ASB11: variants seen among roughly 807,000 people sequenced by gnomAD.
The protein encoded by ASB11 is ankyrin repeat and SOCS box protein 11.
Under a neutral mutation model 20.1 loss-of-function variants are expected in ASB11, and 17 were observed. The observed-to-expected ratio is 0.85, with a 90% CI of 0.58 to 1.27. The LOEUF (loss-of-function observed/expected upper bound fraction) is 1.27. Among genes scored for constraint, ASB11 ranks in the 50% most tolerant of loss-of-function variants. ASB11 has a pLI of 0.00. For missense variants in ASB11, 259 were observed against 256.9 expected, an observed-to-expected ratio of 1.01 and a Z score of -0.06; for synonymous variants, 107 against 105.6, an observed-to-expected ratio of 1.01 and a Z score of -0.08.
At chrX:15,284,478 C>T (rs1224908721) in intron 6 of ASB11, among the ~76,000 whole-genome samples, 3 of 110,682 alleles carry the variant, frequency 2.7e-5, no homozygotes, top group African/African-American at 9.9e-5. Flanking sequence ...CTGGACCTAC[C>T]GGCTCTAGCT....
chrX:15,313,613 C>T (rs1209663003), intron 1 of ASB11, among the ~76,000 whole-genome samples: 1 of 111,444 alleles, frequency 9.0e-6, no homozygotes, highest in Non-Finnish European at 1.9e-5. Context: ...GCAAATTAAC[C>T]TATTTTAAGA....
chrX:15,309,096 TA>T (rs1427904398), intron 1 of ASB11, among the ~76,000 whole-genome samples: 4 of 110,999 alleles, frequency 3.6e-5, no homozygotes, highest in African/African-American at 1.3e-4. Flanking sequence ...TTAGTATTTT[TA>T]GTAGAGACGG....
At chrX:15,305,279 C>T (rs1217697255) in intron 1 of ASB11, among the ~76,000 whole-genome samples, 3 of 111,716 alleles carry the variant, frequency 2.7e-5, no homozygotes, top group Non-Finnish European at 1.9e-5. Flanking sequence ...AACACACCAC[C>T]GCTTCTGTGA....
At chrX:15,285,013 A>T (rs1033949093) in intron 6 of ASB11, among the ~76,000 whole-genome samples, 6 of 111,919 alleles carry the variant, frequency 5.4e-5, no homozygotes, top group African/African-American at 1.9e-4. Flanking sequence ...GGGAAGCAAG[A>T]ATAGAAAACT....
intron 3 of ASB11, among the ~76,000 whole-genome samples, chrX:15,294,307 A>T (rs1920951848): frequency 8.9e-6 from 1 of 112,314 alleles, no homozygotes; most frequent in African/African-American, 3.2e-5. Flanking sequence ...CTAAGGATGC[A>T]TGCTTGTGAT....
intron 6 of ASB11, among the ~76,000 whole-genome samples, chrX:15,283,991 G>T (rs369845737): frequency 9.0e-6 from 1 of 110,889 alleles, no homozygotes; most frequent in African/African-American, 3.3e-5. Context: ...GGTGGCTCAC[G>T]CCTGTAATCC....
chrX:15,283,669 G>T, intron 6 of ASB11, 40 bp from the exon 7 acceptor site: 1 of 1,196,758 alleles, frequency 8.4e-7, no homozygotes. Context: ...TCATAGTGGT[G>T]GGAGGTGGGG....
chrX:15,299,795 G>A (rs1195476690), intron 2 of ASB11, among the ~76,000 whole-genome samples: 1 of 111,140 alleles, frequency 9.0e-6, no homozygotes, highest in Non-Finnish European at 1.9e-5. Flanking sequence ...TCCCAGCCGA[G>A]TCCTGCTTTT....
chrX:15,286,354 G>A (rs780530253), intron 6 of ASB11, among the ~76,000 whole-genome samples: 1 of 110,318 alleles, frequency 9.1e-6, no homozygotes, highest in Admixed American at 9.7e-5. Context: ...CAGGGTTGGG[G>A]CCTTATGACA....
chrX:15,309,916 C>T (rs1008451339), intron 1 of ASB11, among the ~76,000 whole-genome samples: 11 of 93,321 alleles, frequency 1.2e-4, no homozygotes, highest in East Asian at 3.3e-4. Flanking sequence ...CGCAGTGAGC[C>T]GAGATCGCGC....
At position 15,311,549 on chromosome X, in the gene ASB11, G is replaced by A. The variant is rs150507780; in HGVS notation, c.181+3876C>T. ...AAAGACAGGAAAAAGGATTCAGAAT[G>A]CTGAGTTAGGCAGAGGCATAGCTGT... On this transcript the variant is annotated intron_variant, in intron 1 of 6. Transcript: ENST00000480796. 3.6e-3 allele frequency among the ~76,000 whole-genome samples: 410 copies of A among 112,774 alleles called. 7 individuals carry two copies. The Middle Eastern group carries it at 0.05, about 14-fold the overall frequency.
At chrX:15,312,787 GGTTTGA>G (rs1282030515) in intron 1 of ASB11, among the ~76,000 whole-genome samples, 12 of 110,616 alleles carry the variant, frequency 1.1e-4, no homozygotes, top group African/African-American at 4.0e-4. Flanking sequence ...TTTGATTTCT[GGTTTGA>G]GTTTAACACT....
At chrX:15,299,656 TG>T (rs1418529762) in intron 2 of ASB11, among the ~76,000 whole-genome samples, 47 of 111,621 alleles carry the variant, frequency 4.2e-4, no homozygotes, top group African/African-American at 1.5e-3. Context: ...TGTCATGGCC[TG>T]AACCAGTTTT....
chrX:15,309,967 C>CAA lies in ASB11; in HGVS notation c.181+5456_181+5457dup, dbSNP rs60765469. Among the ~76,000 whole-genome samples, 135 of 15,367 alleles carry CAA rather than the reference C, an allele frequency of 8.8e-3. 7 individuals are homozygous for CAA. Among genetic ancestry groups the CAA allele is most frequent in the African/African-American group, 0.022 (104 of 4,735 alleles). The allele number at this position is 15,367 out of a possible 115,157, so 13.3% of individuals were successfully genotyped here. A position where few individuals can be genotyped will look rare whatever the true frequency, so the allele number is the denominator to read the frequency against. On this transcript the variant is annotated intron_variant, in intron 1 of 6. Transcript: ENST00000480796. ...TGGGCGACAGAGCAAGACTCCGTCT[C>CAA]AAAAAAAAAAAAAAAAAAAAAAAAG...
chrX:15,314,346 T>G (rs1921542799), intron 1 of ASB11: 4 of 1,054,571 alleles, frequency 3.8e-6, no homozygotes, highest in Non-Finnish European at 4.9e-6. Flanking sequence ...TTTTTTTTTT[T>G]GTAACTAGTC....
chrX:15,300,070 A>G (rs1921018631), intron 2 of ASB11, among the ~76,000 whole-genome samples: 1 of 112,817 alleles, frequency 8.9e-6, no homozygotes, highest in Non-Finnish European at 1.9e-5. Flanking sequence ...GCATCTAATA[A>G]GAGTTAGAAA....
chrX:15,315,353 G>A, intron 1 of ASB11, 72 bp downstream of exon 1: 1 of 886,523 alleles, frequency 1.1e-6, no homozygotes, highest in East Asian at 3.7e-5. Flanking sequence ...CTGCCTTCCA[G>A]AAATACTAGT....
chrX:15,301,616 C>G (rs772515454), intron 2 of ASB11, among the ~76,000 whole-genome samples: 8 of 111,671 alleles, frequency 7.2e-5, no homozygotes, highest in African/African-American at 2.0e-4. Flanking sequence ...AGATGATTGC[C>G]TAGTTGTGGA....
chrX:15,301,514 CAGAG>C (rs200347568), intron 2 of ASB11, among the ~76,000 whole-genome samples: 4 of 108,578 alleles, frequency 3.7e-5, no homozygotes, highest in Non-Finnish European at 7.6e-5. Flanking sequence ...CACACACAGA[CAGAG>C]AGAGAGAGAC....
Sources: gnomAD v4.1 joint callset for allele counts (sites outside exome capture counted in the v4.1 genomes callset) on GRCh38, gnomAD v4.1.1 for gene constraint, MANE v1.5 for transcripts, NCBI Gene and HGNC (gene_info 2026-07-23, HGNC 2026-07-21) for gene names.